Variants in MSI2 observed in about 807,000 individuals in gnomAD.
MSI2 encodes musashi RNA binding protein 2, also known as RNA-binding protein Musashi homolog 2.
In MSI2, 17 loss-of-function variants were observed where a neutral mutation model predicts 45.6. The ratio of observed to expected loss-of-function variants is 0.37; its 90% CI spans 0.26 to 0.56. MSI2 has a LOEUF of 0.56. MSI2 is among the 20% of genes least tolerant of loss of function. The pLI is 0.77. For missense variants in MSI2, 293 were observed against 444.2 expected (o/e 0.66, Z 3.06); for synonymous variants, 156 against 158.2 (o/e 0.99, Z 0.11).
chr17:57,429,681 C>T (rs1286382687), intron 6 of MSI2, among the ~76,000 whole-genome samples: 1 of 151,242 alleles, frequency 6.6e-6, no homozygotes, highest in Non-Finnish European at 1.5e-5. Flanking sequence ...TAGTCTGTAA[C>T]AAACACACCA....
At chr17:57,495,260 C>T (rs1271247106) in intron 6 of MSI2, among the ~76,000 whole-genome samples, 2 of 152,100 alleles carry the variant, frequency 1.3e-5, no homozygotes, top group Admixed American at 6.5e-5. Flanking sequence ...GGGCCGGGCA[C>T]GGTGGCTCAC....
chr17:57,462,035 C>A (rs76064820), intron 6 of MSI2, among the ~76,000 whole-genome samples: 1 of 152,138 alleles, frequency 6.6e-6, no homozygotes, highest in African/African-American at 2.4e-5. Flanking sequence ...GATAAGGGTG[C>A]GGGCAGGGTT....
rs148608020 is a variant in MSI2 at position 57,479,791 on chromosome 17, G to A, written c.406-49885G>A. Among the ~76,000 whole-genome samples the A allele has an allele frequency of 1.9e-3, 296 of 152,274 alleles. 3 individuals are homozygous for A. Among genetic ancestry groups the A allele is most frequent in the African/African-American group, 6.7e-3 (278 of 41,556 alleles). On this transcript the variant is annotated intron_variant, in intron 6 of 13. Transcript: ENST00000284073. ...CTGAGACCTACTGTGGGCTAGACAG[G>A]CACCTTCCCACATGATCCATTTGAT...
intron 5 of MSI2, among the ~76,000 whole-genome samples, chr17:57,353,833 A>C (rs151135962): frequency 6.6e-6 from 1 of 152,302 alleles, no homozygotes; most frequent in Non-Finnish European, 1.5e-5. Flanking sequence ...TCCCCCATCC[A>C]TGAGCAGTAA....
chr17:57,336,082 A>G (rs1207359626), intron 5 of MSI2, among the ~76,000 whole-genome samples: 1 of 152,222 alleles, frequency 6.6e-6, no homozygotes, highest in Non-Finnish European at 1.5e-5. Context: ...GCATAGAAAC[A>G]GCAGAGGGCA....
intron 5 of MSI2, among the ~76,000 whole-genome samples, chr17:57,309,501 A>G (rs575517183): frequency 3.3e-5 from 5 of 152,362 alleles, no homozygotes; most frequent in Admixed American, 1.3e-4. Context: ...AACGTGTGTA[A>G]TAAAACATGA....
chr17:57,558,817 T>G (rs776423430), intron 7 of MSI2, among the ~76,000 whole-genome samples: 24 of 152,096 alleles, frequency 1.6e-4, no homozygotes, highest in Non-Finnish European at 3.1e-4. Context: ...TTCCAGCACT[T>G]TGGGAGGCCA....
the MSI2 span, among the ~76,000 whole-genome samples, chr17:57,691,116 A>C: frequency 2.0e-5 from 3 of 151,928 alleles, no homozygotes; most frequent in East Asian, 5.8e-4. Flanking sequence ...TCAGTTGACT[A>C]TTTGTGTGGG....
At chr17:57,306,684 A>G (rs1349461837) in intron 5 of MSI2, among the ~76,000 whole-genome samples, 6 of 152,230 alleles carry the variant, frequency 3.9e-5, no homozygotes, top group African/African-American at 7.2e-5. Context: ...CGCTGTTCAC[A>G]TGCTCTGCTG....
intron 10 of MSI2, among the ~76,000 whole-genome samples, chr17:57,640,948 C>T (rs1043092085): frequency 2.6e-5 from 4 of 152,322 alleles, no homozygotes; most frequent in African/African-American, 9.6e-5. Context: ...TAGAGAAGGC[C>T]GTCCTCCCAT....
chr17:57,605,634 T>C (rs1483929842), intron 8 of MSI2, among the ~76,000 whole-genome samples: 1 of 152,228 alleles, frequency 6.6e-6, no homozygotes, highest in Non-Finnish European at 1.5e-5. Context: ...TCTGCGCCCG[T>C]ATGCAGCTGC....
intron 6 of MSI2, among the ~76,000 whole-genome samples, chr17:57,498,067 A>G (rs1388431873): frequency 3.9e-5 from 6 of 152,338 alleles, no homozygotes; most frequent in South Asian, 4.1e-4. Context: ...AGAGAATTCC[A>G]TGAAGGACAT....
intron 5 of MSI2, chr17:57,278,133 G>A (rs1286271015): frequency 6.6e-6 from 1 of 152,354 alleles, no homozygotes; most frequent in Non-Finnish European, 1.5e-5. Context: ...AGGAGGTTGA[G>A]GCTGCAGTGA....
intron 5 of MSI2, among the ~76,000 whole-genome samples, chr17:57,349,173 G>C (rs62058055): frequency 0.14 from 20,770 of 152,094 alleles, 1,521 homozygotes; most frequent in Non-Finnish European, 0.16. Flanking sequence ...CCAGGCTCTC[G>C]TCTCGGAGCC....
At position 57,681,944 on chromosome 17, in the gene MSI2, C is replaced by T. The variant is rs1040583118; in HGVS notation, c.*2427C>T. 1 of 212,204 alleles carries T rather than the reference C, an allele frequency of 4.7e-6. No homozygotes were observed. Among genetic ancestry groups the T allele is most frequent in the Non-Finnish European group, 9.5e-6 (1 of 104,830 alleles). The allele number at this position is 212,204 out of a possible 1,614,324, so 13.1% of individuals were successfully genotyped here. ...ACTTCCCTTCCTTTTCTCTGCATCC[C>T]CCATCACCTCATAGAAGACTCTTTG... On this transcript the variant is annotated 3_prime_UTR_variant, in exon 14 of 14. Transcript: ENST00000284073.
chr17:57,330,727 T>G (rs1184990036), intron 5 of MSI2, among the ~76,000 whole-genome samples: 1 of 152,070 alleles, frequency 6.6e-6, no homozygotes, highest in African/African-American at 2.4e-5. Flanking sequence ...AAAAAAACAC[T>G]TGGGTTTCAT....
intron 6 of MSI2, among the ~76,000 whole-genome samples, chr17:57,454,432 C>A (rs1192108616): frequency 2.0e-5 from 3 of 147,148 alleles, no homozygotes; most frequent in Non-Finnish European, 4.5e-5. Context: ...TTTTCTTTTT[C>A]TCTTTCTTTT....
intron 11 of MSI2, among the ~76,000 whole-genome samples, chr17:57,658,309 C>T (rs1377916092): frequency 6.6e-6 from 1 of 152,210 alleles, no homozygotes; most frequent in Non-Finnish European, 1.5e-5. Flanking sequence ...GGCCAGCCAC[C>T]ACAACCAGAC....
At chr17:57,660,910 G>A (rs1051632702) in intron 11 of MSI2, among the ~76,000 whole-genome samples, 2 of 152,196 alleles carry the variant, frequency 1.3e-5, no homozygotes, top group African/African-American at 4.8e-5. Context: ...GATTTACATG[G>A]GCAGGGCCTG....
Sources: gnomAD v4.1 joint callset for allele counts (sites outside exome capture counted in the v4.1 genomes callset) on GRCh38, gnomAD v4.1.1 for gene constraint, MANE v1.5 for transcripts, NCBI Gene and HGNC (gene_info 2026-07-23, HGNC 2026-07-21) for gene names.